AZI2: variants seen among roughly 807,000 people sequenced by gnomAD.
AZI2 encodes 5-azacytidine-induced protein 2.
AZI2 carries 22 observed loss-of-function variants against 45.8 expected under a neutral mutation model. The ratio of observed to expected loss-of-function variants is 0.48; its 90% CI spans 0.34 to 0.69. The LOEUF is 0.69. AZI2 is among the 30% of genes least tolerant of loss of function. The pLI is 0.01. For synonymous variants in AZI2, 137 were observed against 156.7 expected (o/e 0.87, Z 0.94); for missense variants, 417 against 441.5 (o/e 0.94, Z 0.50).
chr3:28,326,752 G>A (rs897907216), intron 7 of AZI2, 80 bp downstream of exon 7: 3 of 1,062,702 alleles, frequency 2.8e-6, no homozygotes, highest in South Asian at 2.5e-5. Flanking sequence ...CATTTGATGA[G>A]ATTTTGATAA....
At chr3:28,336,654 T>C in intron 5 of AZI2, 83 bp downstream of exon 5, 1 of 1,365,812 alleles carries the variant, frequency 7.3e-7, no homozygotes, top group Non-Finnish European at 1.0e-6. Flanking sequence ...TTTAACTCTA[T>C]GGTTTAATAC....
chr3:28,324,074 G>C lies in AZI2; in HGVS notation c.1147C>G (p.Gln383Glu). 6.2e-7 allele frequency: 1 copy of C among 1,609,338 alleles called. No individual in the cohort carries two copies. The highest frequency in any genetic ancestry group is 8.5e-7 in the Non-Finnish European group (1 of 1,176,880). ...TTATAAAGGCAGTTCTGATTATGTT[G>C]ATCCAAGTAATGCAGTGGTGGAAGG... Reference protein sequence around the residue: ...PNLPPLHYLDQHNQNCLYKN With the variant: ...PNLPPLHYLDEHNQNCLYKN The change falls in exon 8 of 8, where the codon CAA (glutamine) becomes GAA (glutamate). Residue 383 changes from glutamine (Q) to glutamate (E), a missense_variant. Physicochemically the swap from Gln to Glu is conservative, Grantham distance 29 (BLOSUM62 2). Coordinates refer to ENST00000479665, the MANE Select transcript of AZI2 (RefSeq NM_022461.5).
rs1703813918 is a variant in AZI2 at position 28,336,867 on chromosome 3, G to A, written c.458C>T (p.Pro153Leu). 1 of 1,612,582 alleles carries A rather than the reference G, an allele frequency of 6.2e-7. No individual in the cohort carries two copies. Among genetic ancestry groups the A allele is most frequent in the African/African-American group, 1.3e-5 (1 of 74,808 alleles). ...TTCCACCTCCCAGTTTGATGAAGGT[G>A]GATTTAAATTCCTCATCACTACAAA... ...ETQQVMRNLN[P>L]PSSNWEVEKL... The change falls in exon 5 of 8, where the codon CCA (proline) becomes CTA (leucine). Residue 153 changes from proline to leucine, a missense_variant. By Grantham distance (98) the Pro-to-Leu change is moderately conservative (BLOSUM62 -3). Transcript: ENST00000479665.
At chr3:28,328,679 C>T (rs79066321) in intron 6 of AZI2, among the ~76,000 whole-genome samples, 4,121 of 151,148 alleles carry the variant, frequency 0.027, 176 homozygotes, top group African/African-American at 0.089. Context: ...TTGTTTTTTG[C>T]TCTTAATGTA....
Position 28,324,188 on chromosome 3 carries a change from C to T in AZI2, c.1033G>A (p.Glu345Lys), listed in dbSNP as rs1218314990. The T allele has an allele frequency of 3.7e-6, 6 of 1,610,680 alleles. No homozygotes were observed. The highest frequency in any genetic ancestry group is 5.1e-6 in the Non-Finnish European group (6 of 1,177,626). The change falls in exon 8 of 8, where the codon GAA (glutamate) becomes AAA (lysine). Residue 345 changes from glutamate to lysine, a missense_variant. Glu to Lys is a moderately conservative substitution (Grantham distance 56). Transcript: ENST00000479665. The stretch of plus-strand genomic sequence containing the variant: ...CTTGGAAATACCCAGGAATTGTCTT[C>T]CAGAGAATTTCTGCCATAAGAACTG... ...EHSSYGRNSL[E>K]DNSWVFPSPP... is the part of the protein sequence containing the mutation.
intron 5 of AZI2, among the ~76,000 whole-genome samples, chr3:28,334,659 TAA>T (rs1354756484): frequency 6.6e-6 from 1 of 151,984 alleles, no homozygotes; most frequent in African/African-American, 2.4e-5. Flanking sequence ...CTTCTACCTC[TAA>T]AAGTCTGTTT....
intron 6 of AZI2, among the ~76,000 whole-genome samples, chr3:28,329,177 G>T (rs7643610): frequency 0.015 from 2,222 of 151,156 alleles, 54 homozygotes; most frequent in African/African-American, 0.05. Flanking sequence ...AATAATGATG[G>T]CTGAGCACTT....
At chr3:28,337,633 G>A (rs936861009) in intron 4 of AZI2, among the ~76,000 whole-genome samples, 2 of 152,110 alleles carry the variant, frequency 1.3e-5, no homozygotes, top group African/African-American at 4.8e-5. Flanking sequence ...CAACCAGTGG[G>A]CTAGATGATT....
At chr3:28,327,524 A>G (rs189266401) in intron 6 of AZI2, among the ~76,000 whole-genome samples, 24 of 151,172 alleles carry the variant, frequency 1.6e-4, no homozygotes, top group Admixed American at 1.6e-3. Context: ...ACAGCACAAG[A>G]CATGAAGAGC....
At chr3:28,327,783 TCAG>T (rs1405119509) in intron 6 of AZI2, among the ~76,000 whole-genome samples, 1 of 150,892 alleles carries the variant, frequency 6.6e-6, no homozygotes, top group Non-Finnish European at 1.5e-5. Flanking sequence ...ATTAAAATCT[TCAG>T]CACATATTCT....
At chr3:28,331,704 T>C in intron 6 of AZI2, 1 of 1,333,046 alleles carries the variant, frequency 7.5e-7, no homozygotes, top group Non-Finnish European at 9.7e-7. Flanking sequence ...ATCAGTATTT[T>C]TTATTGGATG....
chr3:28,326,567 T>C (rs1321803182), intron 7 of AZI2: 3 of 413,962 alleles, frequency 7.2e-6, no homozygotes, highest in Non-Finnish European at 1.3e-5. Flanking sequence ...CTCAGTCTTA[T>C]ACACATAAGC....
intron 1 of AZI2, among the ~76,000 whole-genome samples, chr3:28,342,296 T>C (rs2125666054): frequency 6.6e-6 from 1 of 152,142 alleles, no homozygotes. Context: ...AAACCTGCCA[T>C]CCAGTCAATC....
intron 1 of AZI2, among the ~76,000 whole-genome samples, chr3:28,344,224 T>C (rs955911155): frequency 2.6e-5 from 4 of 151,986 alleles, no homozygotes; most frequent in Admixed American, 1.3e-4. Context: ...TGTTATAAAA[T>C]GGAAAATTAA....
Position 28,323,366 on chromosome 3 carries a change from T to C in AZI2, c.*676A>G, listed in dbSNP as rs2125630988. On this transcript the variant is annotated 3_prime_UTR_variant, in exon 8 of 8. Transcript: ENST00000479665. Reference sequence around the variant, plus strand: ...TTTCAACTATTTCATTTTTTTTTTTTTTTTTCCCAATTAGGACTTAAGGAA... The same window carrying C: ...TTTCAACTATTTCATTTTTTTTTTTCTTTTTCCCAATTAGGACTTAAGGAA... The C allele has an allele frequency of 6.6e-6, 1 of 150,522 alleles. No individual in the cohort carries two copies. Among genetic ancestry groups the C allele is most frequent in the Middle Eastern group, 3.4e-3 (1 of 294 alleles). 9.3% of individuals were successfully genotyped at this position (150,522 alleles called of 1,614,324 possible). A position where few individuals can be genotyped will look rare whatever the true frequency, so the allele number is the denominator to read the frequency against.
At chr3:28,340,260 C>A (rs1703959610) in intron 2 of AZI2, 142 bp downstream of exon 2, 1 of 613,100 alleles carries the variant, frequency 1.6e-6, no homozygotes, top group East Asian at 2.8e-5. Context: ...AGTATAATGC[C>A]CAGAGTTTTC....
chr3:28,323,976 A>G lies in AZI2; in HGVS notation c.*66T>C. Reference sequence around the variant, plus strand: ...AAAATCTCCTTTCAGTTTGTTAAATAATTTCTTGGGAGGACCACTGAAAGA... The same window carrying G: ...AAAATCTCCTTTCAGTTTGTTAAATGATTTCTTGGGAGGACCACTGAAAGA... On this transcript the variant is annotated 3_prime_UTR_variant, in exon 8 of 8. Coordinates refer to ENST00000479665, the MANE Select transcript of AZI2 (RefSeq NM_022461.5). 2.7e-6 allele frequency: 4 copies of G among 1,481,774 alleles called. No homozygotes were observed. The highest frequency in any genetic ancestry group is 3.6e-6 in the Non-Finnish European group (4 of 1,099,256). The allele number at this position is 1,481,774 out of a possible 1,614,324, so 91.8% of individuals were successfully genotyped here.
At chr3:28,337,558 G>T (rs771186759) in intron 4 of AZI2, among the ~76,000 whole-genome samples, 8 of 152,100 alleles carry the variant, frequency 5.3e-5, no homozygotes, top group Non-Finnish European at 8.8e-5. Context: ...AAAAGAAATT[G>T]TAACAACTTC....
chr3:28,331,651 G>A, intron 6 of AZI2: 1 of 1,251,112 alleles, frequency 8.0e-7, no homozygotes, highest in Non-Finnish European at 1.0e-6. Flanking sequence ...ATTTACTTAG[G>A]TCAGTAAACT....
Sources: allele counts gnomAD v4.1 joint callset (sites outside exome capture counted in the v4.1 genomes callset), GRCh38; gene constraint gnomAD v4.1.1; transcripts MANE v1.5; gene names NCBI Gene and HGNC (gene_info 2026-07-23, HGNC 2026-07-21).